The following PIBF1 variants were observed in gnomAD, a reference collection of about 807,000 sequenced individuals.
PIBF1 encodes progesterone-induced-blocking factor 1.
Under a neutral mutation model 112.5 loss-of-function variants are expected in PIBF1, and 90 were observed. The observed-to-expected ratio is 0.80, with a 90% CI of 0.67 to 0.95. PIBF1 has a LOEUF of 0.95. PIBF1 is among the 40% of genes least tolerant of loss of function. The pLI, the probability that PIBF1 is intolerant of heterozygous loss-of-function variation, is 0.00. For synonymous variants in PIBF1, 301 were observed against 288.6 expected (o/e 1.04, Z -0.44); for missense variants, 915 against 852.3 (o/e 1.07, Z -0.92).
chr13:72,946,250 G>A (rs935093716), intron 14 of PIBF1, among the ~76,000 whole-genome samples: 4 of 152,062 alleles, frequency 2.6e-5, no homozygotes, highest in African/African-American at 9.7e-5. Flanking sequence ...AGCAAAGGGG[G>A]AAAAGCCCCT....
intron 12 of PIBF1, among the ~76,000 whole-genome samples, chr13:72,912,659 T>G (rs1457576886): frequency 6.6e-6 from 1 of 152,172 alleles, no homozygotes; most frequent in Non-Finnish European, 1.5e-5. Context: ...TCCTCTAGAA[T>G]GTTCATAGGA....
At chr13:72,947,884 C>A (rs1450345138) in intron 14 of PIBF1, among the ~76,000 whole-genome samples, 1 of 152,202 alleles carries the variant, frequency 6.6e-6, no homozygotes, top group Non-Finnish European at 1.5e-5. Flanking sequence ...GGCACATACA[C>A]CATGGAATAC....
intron 16 of PIBF1, among the ~76,000 whole-genome samples, chr13:72,983,379 C>T (rs568872319): frequency 5.3e-5 from 8 of 152,312 alleles, no homozygotes; most frequent in Admixed American, 4.6e-4. Context: ...TAACACTTCT[C>T]AGGGCCCACA....
chr13:72,955,136 G>A (rs2042407395), intron 14 of PIBF1, among the ~76,000 whole-genome samples: 1 of 152,138 alleles, frequency 6.6e-6, no homozygotes. Flanking sequence ...TAATTATGTT[G>A]GACATAACAT....
intron 12 of PIBF1, among the ~76,000 whole-genome samples, chr13:72,916,684 A>G (rs531265042): frequency 1.3e-5 from 2 of 152,172 alleles, no homozygotes; most frequent in East Asian, 3.9e-4. Context: ...ATAAAATAAT[A>G]TTTGTCCTAA....
rs575420396 is a variant in PIBF1 at position 72,882,738 on chromosome 13, A to G, written c.1323-11046A>G. ...AAATGCAAATCAAAACTACAATGAG[A>G]CATCGTCTCACCCCAGTTAAAAGGG... On this transcript the variant is annotated intron_variant, in intron 10 of 17. Coordinates refer to ENST00000326291, the MANE Select transcript of PIBF1 (RefSeq NM_006346.4). 3.9e-5 allele frequency among the ~76,000 whole-genome samples: 6 copies of G among 152,314 alleles called. No homozygotes were observed. In the South Asian group the frequency reaches 1.0e-3, roughly 26 times the overall value.
chr13:72,912,332 T>G (rs1187441098), intron 12 of PIBF1, among the ~76,000 whole-genome samples: 1 of 149,676 alleles, frequency 6.7e-6, no homozygotes, highest in East Asian at 1.9e-4. Flanking sequence ...ACTCAGTGAT[T>G]AAAAAAAAAA....
chr13:72,946,778 G>A (rs879753140), intron 14 of PIBF1, among the ~76,000 whole-genome samples: 4 of 152,188 alleles, frequency 2.6e-5, no homozygotes, highest in East Asian at 1.9e-4. Context: ...TTGACTCCAC[G>A]TCTCACATCC....
At chr13:72,853,035 T>A (rs1305040510) in intron 9 of PIBF1, among the ~76,000 whole-genome samples, 2 of 150,934 alleles carry the variant, frequency 1.3e-5, no homozygotes, top group Non-Finnish European at 3.0e-5. Flanking sequence ...TTTATTTATG[T>A]TGTAACTGCT....
In PIBF1 at chr13:73,000,556, A is replaced by C. The variant is rs2043827560; in HGVS notation, c.2223+1561A>C. ...AGAGTGGGCAGAGATTGTGGCAGAC[A>C]CTATGCTGTGTCTATTATAATCTAT... is the stretch of plus-strand genomic sequence containing the variant. On this transcript the variant is annotated intron_variant, in intron 17 of 17. Coordinates refer to ENST00000326291, the MANE Select transcript of PIBF1 (RefSeq NM_006346.4). Among the ~76,000 whole-genome samples, 3 of 152,190 alleles carry C rather than the reference A, an allele frequency of 2.0e-5. No homozygotes were observed. The South Asian group carries it at 6.2e-4, about 31-fold the overall frequency.
At chr13:72,803,134 G>A (rs183735817) in intron 5 of PIBF1, among the ~76,000 whole-genome samples, 57 of 152,196 alleles carry the variant, frequency 3.7e-4, no homozygotes, top group Admixed American at 3.0e-3. Context: ...AAATAAACTG[G>A]ACATAGAGTA....
At chr13:72,912,168 T>C (rs2040918749) in intron 12 of PIBF1, among the ~76,000 whole-genome samples, 1 of 152,202 alleles carries the variant, frequency 6.6e-6, no homozygotes, top group Non-Finnish European at 1.5e-5. Flanking sequence ...CTACAAAGCA[T>C]TGACTTCAGG....
rs948891401 is a variant in PIBF1, at chr13:73,016,374, T to A, written c.*455T>A. The stretch of plus-strand genomic sequence containing the variant: ...TAGATGGATACAGATTGTTGACTCT[T>A]TTGAAGTTGTTTTTTTCTTATATTT... On this transcript the variant is annotated 3_prime_UTR_variant, in exon 18 of 18. Coordinates refer to ENST00000326291, the MANE Select transcript of PIBF1 (RefSeq NM_006346.4). The A allele has an allele frequency of 2.6e-5, 4 of 152,150 alleles. No individual in the cohort carries two copies. The highest frequency in any genetic ancestry group is 9.7e-5 in the African/African-American group (4 of 41,434). The allele number at this position is 152,150 out of a possible 1,614,324, so 9.4% of individuals were successfully genotyped here.
At chr13:72,912,592 T>C (rs1197764896) in intron 12 of PIBF1, among the ~76,000 whole-genome samples, 1 of 152,154 alleles carries the variant, frequency 6.6e-6, no homozygotes, top group Non-Finnish European at 1.5e-5. Context: ...TAATCAGTGA[T>C]CCAGCATTTC....
At position 72,835,350 on chromosome 13, in the gene PIBF1, T is replaced by C. The variant is rs2037309538; in HGVS notation, c.1205T>C (p.Met402Thr). ...CAACTTCGAAATGCCTCTAGGGAAATGTATGAACGAGAAAACAGGTAAAAA... is the reference window on the plus strand; with the variant it reads ...CAACTTCGAAATGCCTCTAGGGAAACGTATGAACGAGAAAACAGGTAAAAA... ...IDQLRNASREMYERENRNLRE... is the reference protein window; with the variant it reads ...IDQLRNASRETYERENRNLRE... The change falls in exon 9 of 18, where the codon ATG becomes ACG. Residue 402 changes from methionine to threonine, a missense_variant. By Grantham distance (81) the Met-to-Thr change is moderately conservative (BLOSUM62 -1). Transcript: ENST00000326291. 3 of 1,573,658 alleles carry C rather than the reference T, an allele frequency of 1.9e-6. No individual in the cohort carries two copies. Among genetic ancestry groups the C allele is most frequent in the Non-Finnish European group, 2.6e-6 (3 of 1,166,126 alleles).
chr13:72,787,314 A>T (rs1240117514), intron 2 of PIBF1, among the ~76,000 whole-genome samples: 2 of 152,162 alleles, frequency 1.3e-5, no homozygotes, highest in African/African-American at 4.8e-5. Flanking sequence ...TTATGTGTGA[A>T]GCACTCCAGA....
At chr13:72,797,853 AATT>A in intron 4 of PIBF1, 51 bp from the exon 5 acceptor site, 4 of 1,433,406 alleles carry the variant, frequency 2.8e-6, no homozygotes, top group Non-Finnish European at 3.8e-6. Context: ...ACAAATTACA[AATT>A]TTAATTGTAA....
At chr13:72,900,500 A>G (rs571625179) in intron 11 of PIBF1, among the ~76,000 whole-genome samples, 89 of 152,344 alleles carry the variant, frequency 5.8e-4, no homozygotes, top group African/African-American at 1.9e-3. Flanking sequence ...AAAGTGGGGA[A>G]AGGACACCCT....
intron 16 of PIBF1, among the ~76,000 whole-genome samples, chr13:72,996,163 C>T (rs1198612991): frequency 2.3e-5 from 3 of 128,128 alleles, no homozygotes; most frequent in African/African-American, 8.7e-5. Context: ...AGACAAAGGG[C>T]TAATTTCCCT....
Sources: allele counts gnomAD v4.1 joint callset (sites outside exome capture counted in the v4.1 genomes callset), GRCh38; gene constraint gnomAD v4.1.1; transcripts MANE v1.5; gene names NCBI Gene and HGNC (gene_info 2026-07-23, HGNC 2026-07-21).